MRO: variants seen among roughly 807,000 people sequenced by gnomAD.
MRO encodes the protein protein maestro.
In MRO, 28 loss-of-function variants were observed where a neutral mutation model predicts 31.0. That is an observed-to-expected ratio of 0.90 (90% CI 0.67 to 1.24). MRO has a LOEUF of 1.24. MRO is among the 50% of genes most tolerant of loss of function. MRO has a pLI of 0.00. For missense variants in MRO, 332 were observed against 289.2 expected, an observed-to-expected ratio of 1.15 and a Z score of -1.07; for synonymous variants, 108 against 108.4, an observed-to-expected ratio of 1.00 and a Z score of 0.02.
In MRO at chr18:50,809,144, C is replaced by CAAAAAAAAAAAAAAA. The variant is rs61728184; in HGVS notation, c.99+143_99+157dup. 5.6e-4 allele frequency among the ~76,000 whole-genome samples: 55 copies of CAAAAAAAAAAAAAAA among 99,094 alleles called. 7 individuals carry two copies. Among genetic ancestry groups the CAAAAAAAAAAAAAAA allele is most frequent in the Non-Finnish European group, 7.9e-4 (41 of 52,070 alleles). The allele number at this position is 99,094 out of a possible 152,430, so 65.0% of individuals were successfully genotyped here. On this transcript the variant is annotated intron_variant, in intron 3 of 7. Coordinates refer to ENST00000398439, the MANE Select transcript of MRO (RefSeq NM_031939.6). ...TGGGCGACAGAGCGAGACTCCGTCT[C>CAAAAAAAAAAAAAAA]AAAAAAAAAAAAAAAAAAAAAAAAA...
chr18:50,800,240 G>A, intron 6 of MRO, 97 bp from the exon 7 acceptor site: 1 of 799,350 alleles, frequency 1.3e-6, no homozygotes, highest in East Asian at 2.8e-5. Context: ...CTGTGGTCAG[G>A]GGCCCACTGA....
chr18:50,799,466 G>A, intron 7 of MRO, 76 bp from the exon 8 acceptor site: 1 of 1,239,222 alleles, frequency 8.1e-7, no homozygotes, highest in East Asian at 2.3e-5. Flanking sequence ...AGTAGGCAGT[G>A]ATCAGTGCAG....
At chr18:50,809,784 A>C (rs2586775) in intron 2 of MRO, among the ~76,000 whole-genome samples, 1 of 152,108 alleles carries the variant, frequency 6.6e-6, no homozygotes, top group Non-Finnish European at 1.5e-5. Context: ...AATGTAAATC[A>C]GTACCTCTTT....
intron 4 of MRO, among the ~76,000 whole-genome samples, chr18:50,805,651 T>C (rs1599017806): frequency 6.6e-6 from 1 of 152,026 alleles, no homozygotes; most frequent in East Asian, 1.9e-4. Flanking sequence ...GGTACCTTTA[T>C]AGTGGGGAGG....
chr18:50,809,476 A>C, intron 2 of MRO, 72 bp from the exon 3 acceptor site: 2 of 1,058,092 alleles, frequency 1.9e-6, no homozygotes, highest in Non-Finnish European at 2.9e-6. Context: ...TGTACAATGC[A>C]TTGTGCTGGG....
chr18:50,799,770 G>T (rs1291955341), intron 7 of MRO, among the ~76,000 whole-genome samples: 1 of 152,186 alleles, frequency 6.6e-6, no homozygotes, highest in African/African-American at 2.4e-5. Flanking sequence ...AATTAGCCGG[G>T]TGTGGTGGTG....
intron 5 of MRO, among the ~76,000 whole-genome samples, chr18:50,802,909 TGTGTGTA>T (rs1398787219): frequency 1.7e-5 from 2 of 120,652 alleles, no homozygotes; most frequent in African/African-American, 6.9e-5. Context: ...TGTGTATGTG[TGTGTGTA>T]GTGTGTGTGT....
chr18:50,819,344 A>G (rs1915186512), intron 2 of MRO: 1 of 750,790 alleles, frequency 1.3e-6, no homozygotes, highest in Admixed American at 6.3e-5. Context: ...CAATAGAATG[A>G]TCTATAACCC....
At chr18:50,819,766 A>T (rs1915223952) in intron 1 of MRO, 64 bp from the exon 2 acceptor site, 9 of 1,548,210 alleles carry the variant, frequency 5.8e-6, no homozygotes, top group Non-Finnish European at 7.9e-6. Flanking sequence ...GGGTCGGCAC[A>T]GAGTGTTGGA....
chr18:50,810,927 G>A (rs1914422761), intron 2 of MRO, among the ~76,000 whole-genome samples: 1 of 152,136 alleles, frequency 6.6e-6, no homozygotes, highest in Non-Finnish European at 1.5e-5. Flanking sequence ...ATACATGTGA[G>A]GGGCATAAAG....
chr18:50,808,908 C>T (rs1197259299), intron 3 of MRO, among the ~76,000 whole-genome samples: 4 of 151,090 alleles, frequency 2.6e-5, no homozygotes, highest in African/African-American at 4.9e-5. Flanking sequence ...GAGGCCGAGG[C>T]GGGTGGATCA....
At chr18:50,809,627 C>T (rs1260018321) in intron 2 of MRO, among the ~76,000 whole-genome samples, 3 of 150,958 alleles carry the variant, frequency 2.0e-5, no homozygotes, top group African/African-American at 7.3e-5. Flanking sequence ...GGGGATCTGC[C>T]CTCTAGTTCC....
intron 2 of MRO, among the ~76,000 whole-genome samples, chr18:50,815,898 G>T (rs1369835370): frequency 1.3e-5 from 2 of 152,124 alleles, no homozygotes; most frequent in African/African-American, 4.8e-5. Context: ...GCTGGGCATG[G>T]TGGCGGGTGC....
chr18:50,802,350 C>T (rs1225473960), intron 5 of MRO, among the ~76,000 whole-genome samples: 1 of 152,136 alleles, frequency 6.6e-6, no homozygotes, highest in Non-Finnish European at 1.5e-5. Context: ...TGGACTCCGC[C>T]CTCTCTTTCT....
intron 2 of MRO, among the ~76,000 whole-genome samples, chr18:50,811,746 CTTTTTTTTTTT>C (rs71171344): frequency 2.5e-5 from 2 of 80,100 alleles, no homozygotes; most frequent in South Asian, 5.4e-4. Flanking sequence ...TGTGGTAATT[CTTTTTTTTTTT>C]TTTTTTTTTT....
intron 1 of MRO, 36 bp downstream of exon 1, chr18:50,819,861 A>C (rs1915230908): frequency 6.5e-7 from 1 of 1,547,406 alleles, no homozygotes; most frequent in Non-Finnish European, 8.7e-7. Context: ...GAAACCGACA[A>C]GAATATTGTA....
intron 5 of MRO, 76 bp from the exon 6 acceptor site, chr18:50,801,580 C>T: frequency 7.2e-7 from 1 of 1,394,102 alleles, no homozygotes; most frequent in Non-Finnish European, 9.8e-7. Flanking sequence ...CACATCACAG[C>T]CATCGGTCAG....
intron 5 of MRO, 149 bp downstream of exon 5, chr18:50,805,005 T>G: frequency 1.7e-6 from 1 of 596,382 alleles, no homozygotes; most frequent in Non-Finnish European, 3.0e-6. Flanking sequence ...TTGGCCAGGA[T>G]GGTCTCGATC....
chr18:50,795,899 C>T lies in MRO; in HGVS notation c.*3438G>A, dbSNP rs1307867626. 1.3e-5 allele frequency: 2 copies of T among 152,290 alleles called. No individual in the cohort carries two copies. The highest frequency in any genetic ancestry group is 2.9e-5 in the Non-Finnish European group (2 of 68,126). The allele number at this position is 152,290 out of a possible 1,614,324, so 9.4% of individuals were successfully genotyped here. On this transcript the variant is annotated 3_prime_UTR_variant, in exon 8 of 8. Transcript: ENST00000398439. ...AGGTTGCAGTGAGCCGAGATCGTGT[C>T]ATTGCACTCCAGCCTGGGTGACAGA...
Sources: gnomAD v4.1 joint callset for allele counts (sites outside exome capture counted in the v4.1 genomes callset) on GRCh38, gnomAD v4.1.1 for gene constraint, MANE v1.5 for transcripts, NCBI Gene and HGNC (gene_info 2026-07-23, HGNC 2026-07-21) for gene names.